Variants in MAPK8 observed in about 807,000 individuals in gnomAD.
The protein encoded by MAPK8 is JUN N-terminal kinase.
Under a neutral mutation model 52.9 loss-of-function variants are expected in MAPK8, and 13 were observed. The ratio of observed to expected loss-of-function variants is 0.25; its 90% CI spans 0.16 to 0.39. The LOEUF (loss-of-function observed/expected upper bound fraction) is 0.39. Ranked by LOEUF, MAPK8 falls within the 10% of genes least tolerant of loss-of-function variation. The pLI is 1.00. For synonymous variants in MAPK8, 191 were observed against 169.8 expected, an observed-to-expected ratio of 1.12 and a Z score of -0.97; for missense variants, 300 against 519.2, an observed-to-expected ratio of 0.58 and a Z score of 4.10.
rs79143257 is a variant in MAPK8, at chr10:48,343,741, T to C, written c.-50+36920T>C. On this transcript the variant is annotated intron_variant, in intron 1 of 11. Coordinates refer to ENST00000374189, the MANE Select transcript of MAPK8 (RefSeq NM_001323329.2). ...GCTTTTTCTCTGTGAGATGGAATTA[T>C]TGGAGATTGAAATTTTGAAAAGAAT... 4.2e-3 allele frequency among the ~76,000 whole-genome samples: 647 copies of C among 152,348 alleles called. 6 individuals are homozygous for C. The highest frequency in any genetic ancestry group is 0.017 in the East Asian group (90 of 5,188).
rs769657154 is a variant in MAPK8, at chr10:48,401,655, G to T, written c.-6G>T. On this transcript the variant is annotated 5_prime_UTR_variant, in exon 2 of 12. Coordinates refer to ENST00000374189, the MANE Select transcript of MAPK8 (RefSeq NM_001323329.2). ...GATGAAGCCATTAAATTAATTGCTT[G>T]CCATCATGAGCAGAAGCAAGCGTGA... 2 of 1,609,836 alleles carry T rather than the reference G, an allele frequency of 1.2e-6. No individual in the cohort carries two copies.
At chr10:48,424,474 C>T in intron 7 of MAPK8, 1 of 1,290,158 alleles carries the variant, frequency 7.8e-7, no homozygotes, top group Non-Finnish European at 1.1e-6. Context: ...TTTATTTTAA[C>T]CAAAATCTTT....
chr10:48,362,143 G>A (rs1847589607), intron 1 of MAPK8, among the ~76,000 whole-genome samples: 1 of 152,052 alleles, frequency 6.6e-6, no homozygotes, highest in Non-Finnish European at 1.5e-5. Flanking sequence ...TGTATGCCCA[G>A]CAAAATGGAA....
chr10:48,368,593 A>G (rs1221553781), intron 1 of MAPK8, among the ~76,000 whole-genome samples: 1 of 152,214 alleles, frequency 6.6e-6, no homozygotes, highest in Non-Finnish European at 1.5e-5. Flanking sequence ...CACAACCCTA[A>G]TGAAGCCTTG....
At chr10:48,392,978 GTTC>G (rs2132869793) in intron 1 of MAPK8, among the ~76,000 whole-genome samples, 1 of 152,154 alleles carries the variant, frequency 6.6e-6, no homozygotes, top group African/African-American at 2.4e-5. Context: ...TAGCCATTTT[GTTC>G]TTTAAAACAC....
intron 1 of MAPK8, among the ~76,000 whole-genome samples, chr10:48,382,948 A>G (rs1472981393): frequency 1.2e-4 from 18 of 147,214 alleles, no homozygotes; most frequent in Non-Finnish European, 1.5e-4. Context: ...GTGTATATAT[A>G]TATGTATATA....
intron 3 of MAPK8, among the ~76,000 whole-genome samples, chr10:48,406,745 C>T (rs1307609224): frequency 2.6e-5 from 4 of 152,180 alleles, no homozygotes; most frequent in African/African-American, 9.7e-5. Context: ...TGGTTTTTCT[C>T]ATTCTTTTCA....
intron 1 of MAPK8, among the ~76,000 whole-genome samples, chr10:48,349,568 C>G (rs1253902273): frequency 6.6e-6 from 1 of 152,104 alleles, no homozygotes; most frequent in Non-Finnish European, 1.5e-5. Context: ...TTCTTTGAAA[C>G]CAATGAGAAC....
intron 1 of MAPK8, among the ~76,000 whole-genome samples, chr10:48,341,653 G>A (rs148018448): frequency 2.6e-3 from 390 of 152,310 alleles, no homozygotes; most frequent in African/African-American, 9.0e-3. Flanking sequence ...AATACAACAA[G>A]CATTACCTAT....
rs1847971615 is a variant in MAPK8, at chr10:48,365,711, A to T, written c.-49-35901A>T. ...TTGACAAAAGTATTTTTTAAAGCAT[A>T]TTGAATCCTAGCCATTTTATTATTA... On this transcript the variant is annotated intron_variant, in intron 1 of 11. Transcript: ENST00000374189. Among the ~76,000 whole-genome samples, 5 of 152,300 alleles carry T rather than the reference A, an allele frequency of 3.3e-5. No homozygotes were observed. The South Asian group carries it at 1.0e-3, about 32-fold the overall frequency.
intron 1 of MAPK8, among the ~76,000 whole-genome samples, chr10:48,394,140 A>G (rs1016904432): frequency 3.9e-5 from 6 of 152,006 alleles, no homozygotes; most frequent in African/African-American, 7.2e-5. Flanking sequence ...ATTTATAATT[A>G]AAACATTCCC....
At chr10:48,349,480 A>G (rs186785368) in intron 1 of MAPK8, among the ~76,000 whole-genome samples, 63 of 152,324 alleles carry the variant, frequency 4.1e-4, no homozygotes, top group African/African-American at 1.4e-3. Context: ...TCAAAACCAC[A>G]CAACTACATG....
intron 1 of MAPK8, among the ~76,000 whole-genome samples, chr10:48,351,376 A>G (rs989149504): frequency 4.1e-5 from 6 of 147,258 alleles, no homozygotes; most frequent in African/African-American, 1.5e-4. Context: ...CTGGGCTTGA[A>G]TGATTGTCCC....
chr10:48,310,055 A>G (rs1456590428), intron 1 of MAPK8, among the ~76,000 whole-genome samples: 1 of 152,206 alleles, frequency 6.6e-6, no homozygotes, highest in East Asian at 1.9e-4. Context: ...AGTTGACTGA[A>G]AGGTAACAGG....
rs892583560 is a variant in MAPK8 at position 48,437,944 on chromosome 10, T to C, written c.*2915T>C. ...GAGGGAAGAGGACATCAGTGTCTGA[T>C]AGTGAAATCATCAGCAGGAAAGTGA... On this transcript the variant is annotated 3_prime_UTR_variant, in exon 12 of 12. Transcript: ENST00000374189. The C allele has an allele frequency of 6.6e-6, 1 of 152,286 alleles. No homozygotes were observed. Among genetic ancestry groups the C allele is most frequent in the Non-Finnish European group, 1.5e-5 (1 of 68,064 alleles). 9.4% of individuals were successfully genotyped at this position (152,286 alleles called of 1,614,324 possible). A position where few individuals can be genotyped will look rare whatever the true frequency, so the allele number is the denominator to read the frequency against.
chr10:48,316,544 A>G (rs1246405187), intron 1 of MAPK8, among the ~76,000 whole-genome samples: 1 of 152,220 alleles, frequency 6.6e-6, no homozygotes, highest in Admixed American at 6.5e-5. Context: ...CTGGTGTCAG[A>G]GAGCATGCAG....
intron 7 of MAPK8, chr10:48,424,386 A>C: frequency 1.5e-6 from 1 of 654,466 alleles, no homozygotes; most frequent in Non-Finnish European, 2.6e-6. Flanking sequence ...ATTCACTGTC[A>C]CTCATTTTTA....
chr10:48,405,125 A>ATATATATATC (rs780050363), intron 3 of MAPK8, 144 bp downstream of exon 3: 79 of 277,278 alleles, frequency 2.8e-4, no homozygotes, highest in African/African-American at 1.7e-3. Flanking sequence ...ATATATATAT[A>ATATATATATC]TATCTACAGG....
chr10:48,438,286 C>T lies in MAPK8; in HGVS notation c.*3257C>T, dbSNP rs1452751028. On this transcript the variant is annotated 3_prime_UTR_variant, in exon 12 of 12. Transcript: ENST00000374189. ...CCGTATCCTGTTGCATTTTTGTGTG[C>T]ATTGTGTTTCTACTGATCTCTCTTA... The T allele has an allele frequency of 6.6e-6, 1 of 152,188 alleles. No homozygotes were observed. The highest frequency in any genetic ancestry group is 2.4e-5 in the African/African-American group (1 of 41,450). The allele number at this position is 152,188 out of a possible 1,614,324, so 9.4% of individuals were successfully genotyped here. A position where few individuals can be genotyped will look rare whatever the true frequency, so the allele number is the denominator to read the frequency against.
Sources: allele counts gnomAD v4.1 joint callset (sites outside exome capture counted in the v4.1 genomes callset), GRCh38; gene constraint gnomAD v4.1.1; transcripts MANE v1.5; gene names NCBI Gene and HGNC (gene_info 2026-07-23, HGNC 2026-07-21).